The following OGT variants were observed in gnomAD, a reference collection of about 807,000 sequenced individuals.
OGT encodes O-linked N-acetylglucosamine (GlcNAc) transferase.
In OGT, 3 loss-of-function variants were observed where a neutral mutation model predicts 75.8. That is an observed-to-expected ratio of 0.04 (90% confidence interval 0.02 to 0.10). The LOEUF (loss-of-function observed/expected upper bound fraction) is 0.10. Ranked by LOEUF, OGT falls within the 10% of genes least tolerant of loss-of-function variation. OGT has a pLI of 1.00. For synonymous variants in OGT, 257 were observed against 289.7 expected (o/e 0.89, Z 1.15); for missense variants, 260 against 824.4 (o/e 0.32, Z 8.38).
In OGT at chrX:71,544,620, C is replaced by T; in HGVS notation, c.516C>T (p.Arg172=). The T allele has an allele frequency of 8.3e-7, 1 of 1,208,503 alleles. No individual in the cohort carries two copies. The highest frequency in any genetic ancestry group is 1.1e-6 in the Non-Finnish European group (1 of 892,998). ...DLGNLLKALG[R]LEEAKACYLK... is the part of the protein sequence containing the mutation. Reference sequence around the variant, plus strand: ...GGAACCTGCTCAAAGCCCTGGGTCGCTTGGAAGAAGCCAAGGTAGGTGTTT... The same window carrying T: ...GGAACCTGCTCAAAGCCCTGGGTCGTTTGGAAGAAGCCAAGGTAGGTGTTT... The change falls in exon 4 of 22, where the codon CGC becomes CGT. Residue 172 remains arginine (R), a synonymous_variant. Coordinates refer to ENST00000373719, the MANE Select transcript of OGT (RefSeq NM_181672.3).
intron 3 of OGT, among the ~76,000 whole-genome samples, chrX:71,544,079 C>T (rs764057624): frequency 1.4e-4 from 16 of 110,355 alleles, no homozygotes; most frequent in Non-Finnish European, 2.5e-4. Flanking sequence ...AGCCACCACG[C>T]CCGGCCTGAT....
chrX:71,554,128 A>T (rs147118192), intron 5 of OGT, among the ~76,000 whole-genome samples: 1 of 112,086 alleles, frequency 8.9e-6, no homozygotes, highest in African/African-American at 3.2e-5. Flanking sequence ...TTGTATGCAT[A>T]CAACTGAGGT....
At chrX:71,553,521 T>G (rs766729669) in intron 5 of OGT, 1 of 109,270 alleles carries the variant, frequency 9.2e-6, no homozygotes, top group African/African-American at 3.3e-5. Context: ...CTTGCTCTGT[T>G]GCCCAGGCTG....
chrX:71,547,019 A>T (rs1003563001), intron 4 of OGT: 1 of 754,681 alleles, frequency 1.3e-6, no homozygotes, highest in Non-Finnish European at 1.6e-6. Context: ...TGCTGCGTCT[A>T]GGGGTGTTCT....
chrX:71,555,803 T>TTA (rs1277483014), intron 7 of OGT, 151 bp from the exon 8 acceptor site: 1 of 592,716 alleles, frequency 1.7e-6, no homozygotes, highest in African/African-American at 2.3e-5. Flanking sequence ...TTGGTTTACT[T>TTA]TAGAGTTTTG....
chrX:71,543,766 GTATATATA>G (rs397895363), intron 3 of OGT, among the ~76,000 whole-genome samples: 1,273 of 78,239 alleles, frequency 0.016, 34 homozygotes, highest in African/African-American at 0.06. Context: ...GTGTGTGTGT[GTATATATA>G]TATATATATA....
Position 71,573,818 on chromosome X carries a change from C to T in OGT, c.*24C>T. Reference sequence around the variant, plus strand: ...AAATAAAGACTGCACAGGAGAATTACCCCTATACCTGAGCCTCAACCTTCT... The same window carrying T: ...AAATAAAGACTGCACAGGAGAATTATCCCTATACCTGAGCCTCAACCTTCT... On this transcript the variant is annotated 3_prime_UTR_variant, in exon 22 of 22. Coordinates refer to ENST00000373719, the MANE Select transcript of OGT (RefSeq NM_181672.3). The T allele has an allele frequency of 5.3e-6, 6 of 1,130,051 alleles. No homozygotes were observed. The highest frequency in any genetic ancestry group is 7.1e-6 in the Non-Finnish European group (6 of 842,132). 93.1% of individuals were successfully genotyped at this position (1,130,051 alleles called of 1,213,427 possible). A position where few individuals can be genotyped will look rare whatever the true frequency, so the allele number is the denominator to read the frequency against.
At chrX:71,533,649 G>C (rs766840542) in intron 1 of OGT, among the ~76,000 whole-genome samples, 10 of 111,055 alleles carry the variant, frequency 9.0e-5, no homozygotes, top group Non-Finnish European at 1.9e-4. Flanking sequence ...GTCGTGGAAT[G>C]GACTGCATTG....
intron 5 of OGT, among the ~76,000 whole-genome samples, chrX:71,551,610 C>T (rs779037554): frequency 1.8e-5 from 2 of 111,463 alleles, no homozygotes; most frequent in South Asian, 3.7e-4. Flanking sequence ...CCAGCCTGGG[C>T]GACAGAGCAA....
At chrX:71,539,460 G>A (rs754312249) in intron 3 of OGT, among the ~76,000 whole-genome samples, 1 of 111,685 alleles carries the variant, frequency 9.0e-6, no homozygotes, top group South Asian at 3.8e-4. Context: ...GAGTAGCTGG[G>A]ACTATAGGTG....
intron 4 of OGT, chrX:71,545,680 G>A (rs994440425): frequency 5.3e-5 from 6 of 112,403 alleles, no homozygotes; most frequent in Admixed American, 9.4e-5. Context: ...TGTTTTAAAA[G>A]GCACTAGTTT....
At position 71,547,990 on chromosome X, in the gene OGT, G is replaced by T. The variant is rs868321361; in HGVS notation, c.615G>T (p.Gly205=). 2 of 1,209,447 alleles carry T rather than the reference G, an allele frequency of 1.7e-6. No homozygotes were observed. Among genetic ancestry groups the T allele is most frequent in the Non-Finnish European group, 2.2e-6 (2 of 894,714 alleles). Residue 205 remains glycine, a synonymous_variant, in exon 5 of 22, where the codon GGG becomes GGT. Coordinates refer to ENST00000373719, the MANE Select transcript of OGT (RefSeq NM_181672.3). ...SNLGCVFNAQ[G]EIWLAIHHFE... The stretch of plus-strand genomic sequence containing the variant: ...TTGGCTGTGTTTTCAATGCACAAGG[G>T]GAAATTTGGCTTGCAATTCATCACT...
chrX:71,562,825 T>C, intron 15 of OGT, 22 bp from the exon 16 acceptor site: 1 of 1,168,226 alleles, frequency 8.6e-7, no homozygotes, highest in Non-Finnish European at 1.2e-6. Flanking sequence ...TCTTAATCAG[T>C]TTTTGATCTG....
Position 71,563,389 on chromosome X carries a change from G to A in OGT, c.2326G>A (p.Val776Ile), listed in dbSNP as rs1379967899. ...CAGTAACACAGCTCTTAATATGCCT[G>A]TTATTCCTATGAATACTATTGCAGA... ...DSSNTALNMP[V>I]IPMNTIAEAV... The change falls in exon 18 of 22, where the codon GTT (valine) becomes ATT (isoleucine). Residue 776 changes from valine to isoleucine, a missense_variant. Val to Ile is a conservative substitution (Grantham distance 29, BLOSUM62 3). Around this residue, in one of 6 missense-constraint regions of OGT, gnomAD observed 79 missense variants for 141.0 expected, o/e 0.56. Transcript: ENST00000373719. The A allele has an allele frequency of 4.2e-6, 5 of 1,204,091 alleles. No individual in the cohort carries two copies. The highest frequency in any genetic ancestry group is 5.6e-6 in the Non-Finnish European group (5 of 890,027).
rs1344850312 is a variant in OGT, at chrX:71,575,283, G to C, written c.*1489G>C. On this transcript the variant is annotated 3_prime_UTR_variant, in exon 22 of 22. Transcript: ENST00000373719. ...GTGCACCTATTCTGTAGTTGCAGCT[G>C]ATGCCTGAATGTATCCTAGCTGACA... 1 of 112,183 alleles carries C rather than the reference G, an allele frequency of 8.9e-6. No homozygotes were observed. The highest frequency in any genetic ancestry group is 1.9e-5 in the Non-Finnish European group (1 of 53,171). The allele number at this position is 112,183 out of a possible 1,213,427, so 9.2% of individuals were successfully genotyped here. A position where few individuals can be genotyped will look rare whatever the true frequency, so the allele number is the denominator to read the frequency against.
At position 71,562,921 on chromosome X, in the gene OGT, G is replaced by A. The variant is rs1372029734; in HGVS notation, c.2052G>A (p.Ser684=). 1 of 1,208,513 alleles carries A rather than the reference G, an allele frequency of 8.3e-7. No individual in the cohort carries two copies. The highest frequency in any genetic ancestry group is 1.8e-5 in the South Asian group (1 of 56,825). Residue 684 remains serine, a synonymous_variant, in exon 16 of 22, where the codon TCG becomes TCA. Transcript: ENST00000373719. ...MDYIITDQET[S]PAEVAEQYSE... ...ATATTATCACTGATCAGGAAACTTC[G>A]CCAGCTGAAGTTGCTGAGCAGTATT...
intron 8 of OGT, 74 bp downstream of exon 8, chrX:71,556,168 C>G (rs565509103): frequency 3.8e-6 from 4 of 1,062,562 alleles, no homozygotes; most frequent in South Asian, 4.4e-5. Context: ...CATCATCCAC[C>G]TCTTTTGTAA....
chrX:71,553,771 C>A, intron 5 of OGT: 1 of 112,211 alleles, frequency 8.9e-6, no homozygotes, highest in East Asian at 2.8e-4. Context: ...TGAGCCACTG[C>A]ACCTGGCCGG....
At position 71,533,445 on chromosome X, in the gene OGT, A is replaced by G. The variant is rs2040149324; in HGVS notation, c.37+109A>G. 3 of 714,129 alleles carry G rather than the reference A, an allele frequency of 4.2e-6. No individual in the cohort carries two copies. The Admixed American group carries it at 8.0e-5, about 19-fold the overall frequency. 58.9% of individuals were successfully genotyped at this position (714,129 alleles called of 1,213,427 possible). ...TCCCTCGAACCATCCCCATTACATCAGTGACATTGCTAAGCTTTTCGTGGT... is the reference window on the plus strand; with the variant it reads ...TCCCTCGAACCATCCCCATTACATCGGTGACATTGCTAAGCTTTTCGTGGT... On this transcript the variant is annotated intron_variant, in intron 1 of 21. Coordinates refer to ENST00000373719, the MANE Select transcript of OGT (RefSeq NM_181672.3).
Sources: allele counts gnomAD v4.1 joint callset (sites outside exome capture counted in the v4.1 genomes callset), GRCh38; gene constraint gnomAD v4.1.1; regional missense constraint gnomAD v4.1.1; transcripts MANE v1.5; gene names NCBI Gene and HGNC (gene_info 2026-07-23, HGNC 2026-07-21).